Variants in CROCC2 observed in about 807,000 individuals in gnomAD.
CROCC2 encodes the protein ciliary rootlet coiled-coil, rootletin family member 2.
Under a neutral mutation model 177.6 loss-of-function variants are expected in CROCC2, and 163 were observed. That is an observed-to-expected ratio of 0.92 (90% CI 0.81 to 1.05). The LOEUF (loss-of-function observed/expected upper bound fraction) is 1.05. Ranked by LOEUF, CROCC2 falls within the 50% of genes least tolerant of loss-of-function variation. The pLI is 0.00. For missense variants in CROCC2, 1,929 were observed against 1,797.8 expected (o/e 1.07, Z -1.32); for synonymous variants, 904 against 787.3 (o/e 1.15, Z -2.48).
At chr2:240,983,844 G>T (rs1221591326) in intron 28 of CROCC2, among the ~76,000 whole-genome samples, 1 of 152,206 alleles carries the variant, frequency 6.6e-6, no homozygotes, top group East Asian at 1.9e-4. Context: ...GCCCAGCTTT[G>T]CTGGAAACCG....
At chr2:240,952,606 G>C (rs2059563902) in intron 18 of CROCC2, among the ~76,000 whole-genome samples, 1 of 152,244 alleles carries the variant, frequency 6.6e-6, no homozygotes, top group Non-Finnish European at 1.5e-5. Context: ...GAATGGTAGT[G>C]TTGAGTGGAG....
In CROCC2 at chr2:240,918,256, A is replaced by C. The variant is rs1021890730; in HGVS notation, c.79-470A>C. On this transcript the variant is annotated intron_variant, in intron 1 of 31. Coordinates refer to ENST00000690015, the MANE Select transcript of CROCC2 (RefSeq NM_001351305.2). This position sits in a 1 kb window ranked among gnomAD's most constrained non-coding sequence, Gnocchi z 6.3. Reference sequence around the variant, plus strand: ...CCCCCCAACAAACACACACAAACACACTGGGCTCTGTGACTGCTGCGTGGG... The same window carrying C: ...CCCCCCAACAAACACACACAAACACCCTGGGCTCTGTGACTGCTGCGTGGG... Among the ~76,000 whole-genome samples the C allele has an allele frequency of 4.6e-5, 7 of 151,544 alleles. No homozygotes were observed. The highest frequency in any genetic ancestry group is 1.0e-4 in the Non-Finnish European group (7 of 67,874).
At chr2:240,985,890 G>T (rs1418185662) in intron 28 of CROCC2, 4 of 451,598 alleles carry the variant, frequency 8.9e-6, no homozygotes, top group Admixed American at 7.1e-5. Flanking sequence ...GTGCATGCAG[G>T]GCCCCCACCT....
Position 240,950,478 on chromosome 2 carries a change from A to G in CROCC2, c.2797A>G (p.Ser933Gly). The change falls in exon 18 of 32, where the codon AGC becomes GGC. Residue 933 changes from serine to glycine, a missense_variant. Physicochemically the swap from Ser to Gly is moderately conservative, Grantham distance 56. Around this residue, in one of 3 missense-constraint regions of CROCC2, gnomAD observed 1,397 missense variants for 1,239.9 expected, o/e 1.13. Coordinates refer to ENST00000690015, the MANE Select transcript of CROCC2 (RefSeq NM_001351305.2). ...IQSLKQERDESLLQLEHKMQQ... is the reference protein window; with the variant it reads ...IQSLKQERDEGLLQLEHKMQQ... ...GAGCCTGAAGCAGGAGCGGGACGAG[A>G]GCCTTCTCCAACTGGAGCACAAGAT... The G allele has an allele frequency of 6.5e-7, 1 of 1,550,022 alleles. No homozygotes were observed. The highest frequency in any genetic ancestry group is 8.7e-7 in the Non-Finnish European group (1 of 1,146,710).
At chr2:240,943,157 A>G (rs1302759706) in intron 14 of CROCC2, among the ~76,000 whole-genome samples, 2 of 151,950 alleles carry the variant, frequency 1.3e-5, no homozygotes, top group African/African-American at 2.4e-5. Flanking sequence ...ACAGGCACAC[A>G]TGACCACGCC....
chr2:240,959,206 T>A, intron 19 of CROCC2, 95 bp from the exon 20 acceptor site: 1 of 1,400,178 alleles, frequency 7.1e-7, no homozygotes, highest in Non-Finnish European at 9.4e-7. Context: ...CCCAGGCCAC[T>A]GCAACACCTC....
rs761354725 is a variant in CROCC2 at position 240,963,581 on chromosome 2, C to T, written c.3113C>T (p.Thr1038Ile). The part of the protein sequence containing the change: ...REAERLRAQL[T>I]VAQEGLAALR... ...GCTGAGAGGCTGCGGGCACAGCTGA[C>T]CGTGGCCCAGGAGGGACTGGCCGCA... Residue 1038 changes from threonine to isoleucine, a missense_variant, in exon 21 of 32, where the codon ACC becomes ATC. Thr to Ile is a moderately conservative substitution (Grantham distance 89). Coordinates refer to ENST00000690015, the MANE Select transcript of CROCC2 (RefSeq NM_001351305.2). 13 of 1,545,478 alleles carry T rather than the reference C, an allele frequency of 8.4e-6. No individual in the cohort carries two copies. Among genetic ancestry groups the T allele is most frequent in the South Asian group, 6.0e-5 (5 of 83,800 alleles).
rs2059622186 is a variant in CROCC2, at chr2:240,960,200, C to G, written c.3087+756C>G. Reference sequence around the variant, plus strand: ...GCCATCCACTGAGGCACGGGGAGGCCCTAGACAAGCTGGGCTCTGCCCACA... The same window carrying G: ...GCCATCCACTGAGGCACGGGGAGGCGCTAGACAAGCTGGGCTCTGCCCACA... On this transcript the variant is annotated intron_variant, in intron 20 of 31. Transcript: ENST00000690015. This position sits in a 1 kb window ranked among gnomAD's most constrained non-coding sequence, Gnocchi z 5.0. Among the ~76,000 whole-genome samples, 1 of 152,254 alleles carries G rather than the reference C, an allele frequency of 6.6e-6. No homozygotes were observed. Among genetic ancestry groups the G allele is most frequent in the Admixed American group, 6.5e-5 (1 of 15,290 alleles).
rs2059418506 is a variant in CROCC2 at position 240,930,186 on chromosome 2, G to A, written c.666G>A (p.Gly222=). ...TTCAGACCCGGTCAGGGGGCCTGGG[G>A]CAGCCCCGGGACCTCCTCCTCCTGT... ...AQRQTRSGGL[G]QPRDLLLLWR... The change falls in exon 6 of 32, where the codon GGG becomes GGA. Residue 222 remains glycine (G), a synonymous_variant. Coordinates refer to ENST00000690015, the MANE Select transcript of CROCC2 (RefSeq NM_001351305.2). 3 of 572,776 alleles carry A rather than the reference G, an allele frequency of 5.2e-6. No homozygotes were observed. The highest frequency in any genetic ancestry group is 3.8e-5 in the African/African-American group (2 of 52,472). The allele number at this position is 572,776 out of a possible 1,614,324, so 35.5% of individuals were successfully genotyped here. A position where few individuals can be genotyped will look rare whatever the true frequency, so the allele number is the denominator to read the frequency against.
At chr2:240,954,756 AACG>A (rs2059579855) in intron 18 of CROCC2, 1 of 152,172 alleles carries the variant, frequency 6.6e-6, no homozygotes, top group South Asian at 2.1e-4. Context: ...ACCCTCTAAT[AACG>A]GGTCTTTCAG....
At position 240,949,608 on chromosome 2, in the gene CROCC2, G is replaced by A. The variant is rs753481966; in HGVS notation, c.2558G>A (p.Arg853Gln). The A allele has an allele frequency of 3.8e-5, 59 of 1,550,408 alleles. No individual in the cohort carries two copies. The South Asian group carries it at 4.8e-4, about 13-fold the overall frequency. The change falls in exon 17 of 32, where the codon CGA becomes CAA. Residue 853 changes from arginine (R) to glutamine (Q), a missense_variant. Around this residue, in one of 3 missense-constraint regions of CROCC2, gnomAD observed 1,397 missense variants for 1,239.9 expected, o/e 1.13. Transcript: ENST00000690015. This position sits in a 1 kb window ranked among gnomAD's most constrained non-coding sequence, Gnocchi z 4.5. ...KLRQDTVRLQ[R>Q]QVAQQEREAQ... ...CGGCAGGACACGGTGCGGCTCCAGCGACAGGTGGCACAGCAGGAGCGGGAG... is the reference window on the plus strand; with the variant it reads ...CGGCAGGACACGGTGCGGCTCCAGCAACAGGTGGCACAGCAGGAGCGGGAG...
intron 5 of CROCC2, among the ~76,000 whole-genome samples, chr2:240,929,203 A>T (rs932318256): frequency 1.3e-5 from 2 of 152,120 alleles, no homozygotes; most frequent in Non-Finnish European, 2.9e-5. Context: ...TAATACCTGA[A>T]GTTCTTCAAG....
At position 240,982,706 on chromosome 2, in the gene CROCC2, C is replaced by A; in HGVS notation, c.4402-174C>A. ...CACACCTTTGAGGTTACATTGCAAA[C>A]ACAATCACCTGATCAACGCACTTCA... is the stretch of plus-strand genomic sequence containing the variant. On this transcript the variant is annotated intron_variant, in intron 27 of 31. Transcript: ENST00000690015. The surrounding 1 kb of genome is among the most constrained non-coding windows in gnomAD (Gnocchi z 4.7). 1 of 588,842 alleles carries A rather than the reference C, an allele frequency of 1.7e-6. No individual in the cohort carries two copies. Among genetic ancestry groups the A allele is most frequent in the South Asian group, 2.3e-5 (1 of 44,262 alleles). 36.5% of individuals were successfully genotyped at this position (588,842 alleles called of 1,614,324 possible).
intron 27 of CROCC2, among the ~76,000 whole-genome samples, chr2:240,978,445 G>A: frequency 3.5e-5 from 1 of 28,908 alleles, no homozygotes. Flanking sequence ...TCCCTGCTCA[G>A]TCTCTGGGGT....
Position 240,973,426 on chromosome 2 carries a change from G to GT in CROCC2, c.4401+5164_4401+5165insT, listed in dbSNP as rs2059736317. On this transcript the variant is annotated intron_variant, in intron 27 of 31. Transcript: ENST00000690015. The surrounding 1 kb of genome is among the most constrained non-coding windows in gnomAD (Gnocchi z 4.7). ...CCACAGCCTCATGCCCGCTCAGAAAGGCCCCCCATGCCACCCTTGGACTGG... is the reference window on the plus strand; with the variant it reads ...CCACAGCCTCATGCCCGCTCAGAAAGTGCCCCCCATGCCACCCTTGGACTGG... Among the ~76,000 whole-genome samples the GT allele has an allele frequency of 1.3e-5, 2 of 149,228 alleles. No individual in the cohort carries two copies. Among genetic ancestry groups the GT allele is most frequent in the Admixed American group, 1.3e-4 (2 of 15,008 alleles).
intron 27 of CROCC2, among the ~76,000 whole-genome samples, chr2:240,970,500 T>C (rs1343047044): frequency 6.6e-6 from 1 of 152,244 alleles, no homozygotes; most frequent in African/African-American, 2.4e-5. Flanking sequence ...GCAGGGATGA[T>C]TTATTCATCC....
At chr2:240,952,584 G>A (rs969768891) in intron 18 of CROCC2, among the ~76,000 whole-genome samples, 3 of 152,356 alleles carry the variant, frequency 2.0e-5, no homozygotes, top group African/African-American at 4.8e-5. Flanking sequence ...GGAAGGGAAG[G>A]ACTTACAGGA....
chr2:240,983,220 A>G lies in CROCC2; in HGVS notation c.4551+191A>G, dbSNP rs1384201135. ...CCAGTCCCCCGCTGACAGATGGGGAAACTGAGCCTGGAGGGGCCCACAGGG... is the reference window on the plus strand; with the variant it reads ...CCAGTCCCCCGCTGACAGATGGGGAGACTGAGCCTGGAGGGGCCCACAGGG... On this transcript the variant is annotated intron_variant, in intron 28 of 31. Transcript: ENST00000690015. 2.9e-5 allele frequency: 25 copies of G among 858,968 alleles called. No individual in the cohort carries two copies. In the South Asian group the frequency reaches 4.5e-4, roughly 16 times the overall value. 53.2% of individuals were successfully genotyped at this position (858,968 alleles called of 1,614,324 possible). A position where few individuals can be genotyped will look rare whatever the true frequency, so the allele number is the denominator to read the frequency against.
intron 19 of CROCC2, 141 bp downstream of exon 19, chr2:240,956,113 C>G (rs936503682): frequency 5.2e-5 from 34 of 654,248 alleles, no homozygotes; most frequent in Non-Finnish European, 7.8e-5. Context: ...CCAGGTGCCT[C>G]CAGGGCTCCT....
Sources: gnomAD v4.1 joint callset for allele counts (sites outside exome capture counted in the v4.1 genomes callset) on GRCh38, gnomAD v4.1.1 for gene constraint, gnomAD v4.1.1 regional missense constraint, Gnocchi (gnomAD v3.1) non-coding constraint, MANE v1.5 for transcripts, NCBI Gene and HGNC (gene_info 2026-07-23, HGNC 2026-07-21) for gene names.